The following NFRKB variants were observed in gnomAD, a reference collection of about 807,000 sequenced individuals.
NFRKB encodes the protein nuclear factor related to kappaB binding protein.
In NFRKB, 62 loss-of-function variants were observed where a neutral mutation model predicts 135.7. That is an observed-to-expected ratio of 0.46 (90% confidence interval 0.37 to 0.56). The LOEUF (loss-of-function observed/expected upper bound fraction) is 0.56, where lower values mean the gene tolerates loss of function less well. NFRKB is among the 20% of genes least tolerant of loss of function. The pLI is 0.00. For synonymous variants in NFRKB, 678 were observed against 635.6 expected, an observed-to-expected ratio of 1.07 and a Z score of -1.00; for missense variants, 1,545 against 1,662.0, an observed-to-expected ratio of 0.93 and a Z score of 1.22.
intron 4 of NFRKB, among the ~76,000 whole-genome samples, chr11:129,887,076 T>A (rs554112642): frequency 6.6e-6 from 1 of 152,344 alleles, no homozygotes; most frequent in South Asian, 2.1e-4. Flanking sequence ...GAATTCCAGA[T>A]GTGCTGCCCA....
intron 13 of NFRKB, among the ~76,000 whole-genome samples, chr11:129,879,435 T>C (rs1948925869): frequency 1.3e-5 from 2 of 152,090 alleles, no homozygotes; most frequent in South Asian, 2.1e-4. Flanking sequence ...TCAGCTACCA[T>C]CATCACCTTC....
In NFRKB at chr11:129,876,890, A is replaced by G. The variant is rs138523692; in HGVS notation, c.1578T>C (p.Arg526=). Reference sequence around the variant, plus strand: ...CCTTATGGGGTTGGCTATACCTGTAACGCTCCTACCAAGAGACAAGGGACA... The same window carrying G: ...CCTTATGGGGTTGGCTATACCTGTAGCGCTCCTACCAAGAGACAAGGGACA... The part of the protein sequence containing the change: ...EEKRVFQEQE[R]YRYSQPHKAF... The change falls in exon 17 of 27, where the codon CGT becomes CGC. Residue 526 remains arginine (R), a synonymous_variant. Coordinates refer to ENST00000682444, the MANE Select transcript of NFRKB (RefSeq NM_001143835.2). 3.6e-4 allele frequency: 587 copies of G among 1,613,586 alleles called. 4 individuals carry two copies. The African/African-American group carries it at 6.5e-3, about 18-fold the overall frequency.
rs768491344 is a variant in NFRKB at position 129,873,846 on chromosome 11, G to A, written c.2449C>T (p.Pro817Ser). 1 of 1,614,188 alleles carries A rather than the reference G, an allele frequency of 6.2e-7. No individual in the cohort carries two copies. The highest frequency in any genetic ancestry group is 8.5e-7 in the Non-Finnish European group (1 of 1,180,036). ...TGTGCCGGCCCTCCCGACTGCTGGG[G>A]AACAGCAGGAAGGCTAGGCTGGGCC... Reference protein sequence around the residue: ...VVAQPSLPAVPQQSGGPAQTL... With the variant: ...VVAQPSLPAVSQQSGGPAQTL... Residue 817 changes from proline (P) to serine (S), a missense_variant, in exon 22 of 27, where the codon CCC becomes TCC. Pro to Ser is a moderately conservative substitution (Grantham distance 74). Coordinates refer to ENST00000682444, the MANE Select transcript of NFRKB (RefSeq NM_001143835.2).
chr11:129,885,252 C>T (rs75511548), intron 6 of NFRKB, among the ~76,000 whole-genome samples, 183 bp downstream of exon 6: 9,947 of 152,268 alleles, frequency 0.065, 437 homozygotes, highest in Non-Finnish European at 0.096. Flanking sequence ...CACTCCCCAT[C>T]TGATGGCAAT....
intron 24 of NFRKB, among the ~76,000 whole-genome samples, chr11:129,867,798 C>A (rs1027537114): frequency 3.3e-5 from 5 of 152,190 alleles, no homozygotes; most frequent in Non-Finnish European, 7.3e-5. Context: ...CTCTTCTGAA[C>A]AATGCTCCTT....
chr11:129,864,912 G>A, intron 26 of NFRKB, 54 bp downstream of exon 26: 10 of 1,613,010 alleles, frequency 6.2e-6, no homozygotes, highest in Non-Finnish European at 8.5e-6. Context: ...GTTAAGAACA[G>A]CAGTGGAATC....
chr11:129,883,096 G>C (rs2293664), intron 9 of NFRKB, 26 bp downstream of exon 9: 608,338 of 1,605,776 alleles, frequency 0.38, 119,332 homozygotes, highest in East Asian at 0.43. Context: ...TCAGATGAAG[G>C]CTCCTAGAGG....
rs764142634 is a variant in NFRKB at position 129,878,313 on chromosome 11, G to A, written c.1507C>T (p.Arg503Trp). The A allele has an allele frequency of 1.9e-5, 31 of 1,614,048 alleles. No individual in the cohort carries two copies. The highest frequency in any genetic ancestry group is 2.5e-5 in the Non-Finnish European group (29 of 1,180,020). ...DSSDATTPVP[R>W]VRTDYVVRPS... ...CCACTACAGTATTGTACTCACACCCGAGGGACAGGTGTTGTGGCATCTGAG... is the reference window on the plus strand; with the variant it reads ...CCACTACAGTATTGTACTCACACCCAAGGGACAGGTGTTGTGGCATCTGAG... Residue 503 changes from arginine to tryptophan, a missense_variant, in exon 15 of 27, where the codon CGG becomes TGG. By Grantham distance (101) the Arg-to-Trp change is moderately radical. Around this residue, in one of 3 missense-constraint regions of NFRKB, gnomAD observed 678 missense variants for 646.7 expected, o/e 1.05. Transcript: ENST00000682444.
intron 17 of NFRKB, 104 bp downstream of exon 17, chr11:129,876,617 C>T: frequency 1.5e-6 from 2 of 1,306,918 alleles, no homozygotes; most frequent in South Asian, 1.6e-5. Context: ...TTCTCAAAGC[C>T]TACCCTGGGT....
intron 24 of NFRKB, among the ~76,000 whole-genome samples, chr11:129,868,194 G>A (rs550207668): frequency 3.9e-5 from 6 of 152,160 alleles, no homozygotes; most frequent in Admixed American, 2.0e-4. Flanking sequence ...TATTTTCTAT[G>A]TATATAAAGA....
intron 2 of NFRKB, among the ~76,000 whole-genome samples, chr11:129,893,685 T>G (rs536067720): frequency 5.2e-4 from 79 of 152,224 alleles, no homozygotes; most frequent in Non-Finnish European, 1.0e-3. Flanking sequence ...TGAGGGCCTA[T>G]TAAAAGCCAG....
chr11:129,882,202 G>A lies in NFRKB; in HGVS notation c.1083-8C>T, dbSNP rs1474385067. The A allele has an allele frequency of 1.3e-6, 2 of 1,591,034 alleles. No individual in the cohort carries two copies. The highest frequency in any genetic ancestry group is 1.7e-4 in the Middle Eastern group (1 of 5,914). On this transcript the variant is annotated splice_polypyrimidine_tract_variant and splice_region_variant and intron_variant, in intron 10 of 26. Transcript: ENST00000682444. ...TTGAGGTCTTCAAGGGGCCTAATGA[G>A]GGAAGAAAAATATAAGAACCAAAAA...
Position 129,865,997 on chromosome 11 carries a change from G to A in NFRKB, c.3532-14C>T, listed in dbSNP as rs1948173986. The stretch of plus-strand genomic sequence containing the variant: ...AGGCAACTTCCCCTAGAAAAAAAAA[G>A]CAGTCAGGTTTTGTAAGACAGGAGG... On this transcript the variant is annotated splice_polypyrimidine_tract_variant and intron_variant, in intron 24 of 26. Transcript: ENST00000682444. 3 of 1,575,426 alleles carry A rather than the reference G, an allele frequency of 1.9e-6. No individual in the cohort carries two copies. Among genetic ancestry groups the A allele is most frequent in the Non-Finnish European group, 2.6e-6 (3 of 1,161,538 alleles).
At chr11:129,881,984 C>T (rs1949049947) in intron 11 of NFRKB, 102 bp downstream of exon 11, 6 of 1,455,674 alleles carry the variant, frequency 4.1e-6, no homozygotes, top group South Asian at 1.4e-5. Flanking sequence ...AACTACAGAG[C>T]GTTGAGAGGA....
intron 3 of NFRKB, among the ~76,000 whole-genome samples, chr11:129,891,824 T>C (rs962460719): frequency 3.3e-5 from 5 of 152,068 alleles, no homozygotes; most frequent in African/African-American, 1.2e-4. Context: ...ACCAAACAAA[T>C]AAAGGAGCCT....
chr11:129,893,969 C>T (rs1203035386), intron 2 of NFRKB: 2 of 152,188 alleles, frequency 1.3e-5, no homozygotes, highest in Admixed American at 6.5e-5. Context: ...CACACCTGAC[C>T]ATAACCACCA....
In NFRKB at chr11:129,870,155, G is replaced by A; in HGVS notation, c.2870C>T (p.Pro957Leu). 6.2e-7 allele frequency: 1 copy of A among 1,614,224 alleles called. No individual in the cohort carries two copies. The change falls in exon 24 of 27, where the codon CCC becomes CTC. Residue 957 changes from proline to leucine, a missense_variant. By Grantham distance (98) the Pro-to-Leu change is moderately conservative (BLOSUM62 -3). Coordinates refer to ENST00000682444, the MANE Select transcript of NFRKB (RefSeq NM_001143835.2). ...IQGKDVLRLP[P>L]SSITTDAKGQ... ...CTTGGCATCTGTGGTGATGGAAGAG[G>A]GCGGCAGACGCAATACATCCTTACC...
chr11:129,868,984 C>T (rs1231839849), intron 24 of NFRKB, among the ~76,000 whole-genome samples: 2 of 152,102 alleles, frequency 1.3e-5, no homozygotes, highest in African/African-American at 4.8e-5. Flanking sequence ...CGTGCCATTG[C>T]GCTCCAGCCT....
chr11:129,866,193 T>G (rs1409330895), intron 24 of NFRKB, among the ~76,000 whole-genome samples: 1 of 152,156 alleles, frequency 6.6e-6, no homozygotes. Context: ...TGATCTTTTA[T>G]CATCCTCTTT....
Sources: allele counts gnomAD v4.1 joint callset (sites outside exome capture counted in the v4.1 genomes callset), GRCh38; gene constraint gnomAD v4.1.1; regional missense constraint gnomAD v4.1.1; transcripts MANE v1.5; gene names NCBI Gene and HGNC (gene_info 2026-07-23, HGNC 2026-07-21).